Variants in TJP1 observed in about 807,000 individuals in gnomAD.
The protein encoded by TJP1 is tight junction protein 1, also known as tight junction protein ZO-1.
A neutral mutation model predicts 194.2 loss-of-function variants in TJP1; 43 were observed. The observed-to-expected ratio is 0.22, with a 90% CI of 0.17 to 0.29. The LOEUF (loss-of-function observed/expected upper bound fraction) is 0.29. TJP1 is among the 10% of genes least tolerant of loss of function. TJP1 has a pLI of 1.00. For synonymous variants in TJP1, 801 were observed against 779.0 expected (o/e 1.03, Z -0.47); for missense variants, 1,971 against 2,185.7 (o/e 0.90, Z 1.96).
intron 18 of TJP1, 137 bp from the exon 19 acceptor site, chr15:29,720,845 A>G: frequency 1.4e-6 from 1 of 692,318 alleles, no homozygotes. Flanking sequence ...TGGTAAGGAA[A>G]AGTCAAGAAG....
intron 2 of TJP1, among the ~76,000 whole-genome samples, chr15:29,913,439 T>C (rs1391191952): frequency 6.6e-6 from 1 of 152,202 alleles, no homozygotes; most frequent in Admixed American, 6.5e-5. Flanking sequence ...GGTTGCAATA[T>C]TGTGTATGTG....
chr15:29,738,037 T>C (rs2044152294), intron 10 of TJP1, among the ~76,000 whole-genome samples: 1 of 152,134 alleles, frequency 6.6e-6, no homozygotes, highest in African/African-American at 2.4e-5. Flanking sequence ...CCCATATCCA[T>C]TCTGTCCCTT....
At chr15:29,853,860 A>G (rs979682800) in intron 2 of TJP1, among the ~76,000 whole-genome samples, 1 of 152,186 alleles carries the variant, frequency 6.6e-6, no homozygotes, top group African/African-American at 2.4e-5. Flanking sequence ...CTTGCACAAC[A>G]CTATTCTGCA....
intron 8 of TJP1, among the ~76,000 whole-genome samples, chr15:29,744,592 G>A (rs562560579): frequency 4.6e-5 from 7 of 151,970 alleles, no homozygotes; most frequent in Admixed American, 6.6e-5. Flanking sequence ...AAAGTATCAC[G>A]TATATATGGT....
At chr15:29,788,742 A>C (rs1231533729) in intron 2 of TJP1, among the ~76,000 whole-genome samples, 1 of 152,272 alleles carries the variant, frequency 6.6e-6, no homozygotes, top group African/African-American at 2.4e-5. Context: ...ATTCTATTTT[A>C]GAAAATGAAA....
At chr15:29,833,483 T>C (rs1596067282) in intron 2 of TJP1, among the ~76,000 whole-genome samples, 2 of 151,998 alleles carry the variant, frequency 1.3e-5, no homozygotes, top group African/African-American at 4.8e-5. Context: ...AACCTCTGCC[T>C]CCCGGGTTCA....
At chr15:29,821,958 G>C in intron 1 of TJP1, 44 bp downstream of exon 1, 3 of 1,224,314 alleles carry the variant, frequency 2.5e-6, no homozygotes, top group Non-Finnish European at 3.1e-6. Flanking sequence ...GGCGGGCGGC[G>C]ACGGTCGGCC....
intron 1 of TJP1, among the ~76,000 whole-genome samples, chr15:29,821,251 G>T (rs191469501): frequency 2.1e-4 from 32 of 152,206 alleles, no homozygotes; most frequent in African/African-American, 7.5e-4. Flanking sequence ...GAGCACATAG[G>T]AAAAGTAACA....
At chr15:29,955,498 AT>A (rs1422107604) in intron 2 of TJP1, among the ~76,000 whole-genome samples, 1 of 152,144 alleles carries the variant, frequency 6.6e-6, no homozygotes, top group African/African-American at 2.4e-5. Flanking sequence ...CTTGAAAAAA[AT>A]ATGACCATTA....
chr15:29,700,434 C>T lies in TJP1; in HGVS notation c.*1161G>A. 1 of 398,870 alleles carries T rather than the reference C, an allele frequency of 2.5e-6. No homozygotes were observed. The highest frequency in any genetic ancestry group is 4.4e-6 in the Non-Finnish European group (1 of 226,028). The allele number at this position is 398,870 out of a possible 1,614,324, so 24.7% of individuals were successfully genotyped here. Reference sequence around the variant, plus strand: ...AATGCAGCACTTAAAAATGTAACAACTCTGTGCATCCTTTTTCTTAAAAAA... The same window carrying T: ...AATGCAGCACTTAAAAATGTAACAATTCTGTGCATCCTTTTTCTTAAAAAA... On this transcript the variant is annotated 3_prime_UTR_variant, in exon 28 of 28. Transcript: ENST00000614355.
At chr15:29,923,920 T>A (rs188928672) in intron 2 of TJP1, among the ~76,000 whole-genome samples, 1 of 152,340 alleles carries the variant, frequency 6.6e-6, no homozygotes, top group Admixed American at 6.5e-5. Flanking sequence ...CATGCCTATG[T>A]GTTATTCTAA....
intron 2 of TJP1, among the ~76,000 whole-genome samples, chr15:29,845,344 T>G (rs1369094656): frequency 6.6e-6 from 1 of 152,064 alleles, no homozygotes; most frequent in Non-Finnish European, 1.5e-5. Context: ...AAACTGACTA[T>G]TCATCCCAGG....
At chr15:29,732,951 A>C (rs2043764676) in intron 13 of TJP1, 136 bp from the exon 14 acceptor site, 2 of 1,245,238 alleles carry the variant, frequency 1.6e-6, no homozygotes, top group Admixed American at 5.5e-5. Flanking sequence ...AATAAAGAGG[A>C]GTTTGTAAAC....
chr15:29,860,595 G>GT, intron 2 of TJP1, among the ~76,000 whole-genome samples: 1 of 152,256 alleles, frequency 6.6e-6, no homozygotes, highest in South Asian at 2.1e-4. Context: ...GGTATCACAT[G>GT]TATTAATACT....
chr15:29,773,700 C>T (rs1216401923), intron 2 of TJP1, among the ~76,000 whole-genome samples: 2 of 152,230 alleles, frequency 1.3e-5, no homozygotes, highest in African/African-American at 4.8e-5. Flanking sequence ...ATCAGCCATC[C>T]TGGCAACTGA....
rs143354881 is a variant in TJP1, at chr15:29,777,027, A to ACC, written c.85-3672_85-3671dup. On this transcript the variant is annotated intron_variant, in intron 2 of 27. Transcript: ENST00000614355. ...CAAGTAAAAGTGATGCCTGCCTTCC[A>ACC]CCCCCCCCACTCAATACACGGCTGC... Among the ~76,000 whole-genome samples the ACC allele has an allele frequency of 3.3e-4, 50 of 150,878 alleles. 1 individual carries two copies. Among genetic ancestry groups the ACC allele is most frequent in the South Asian group, 1.3e-3 (6 of 4,736 alleles).
intron 15 of TJP1, 23 bp from the exon 16 acceptor site, chr15:29,728,042 A>T (rs2043351090): frequency 6.2e-7 from 1 of 1,603,950 alleles, no homozygotes; most frequent in Non-Finnish European, 8.5e-7. Flanking sequence ...TCAGGACAAA[A>T]ATAAGACATC....
At chr15:29,917,746 A>G (rs2054232111) in intron 2 of TJP1, among the ~76,000 whole-genome samples, 1 of 152,224 alleles carries the variant, frequency 6.6e-6, no homozygotes, top group African/African-American at 2.4e-5. Context: ...CTGCAGAGAC[A>G]GTTTCTCCCA....
Position 29,701,449 on chromosome 15 carries a change from C to A in TJP1, c.*146G>T, listed in dbSNP as rs932970935. 3.2e-6 allele frequency: 2 copies of A among 619,954 alleles called. No homozygotes were observed. Among genetic ancestry groups the A allele is most frequent in the South Asian group, 4.4e-5 (2 of 45,006 alleles). The allele number at this position is 619,954 out of a possible 1,614,324, so 38.4% of individuals were successfully genotyped here. A position where few individuals can be genotyped will look rare whatever the true frequency, so the allele number is the denominator to read the frequency against. On this transcript the variant is annotated 3_prime_UTR_variant, in exon 28 of 28. Coordinates refer to ENST00000614355, the MANE Select transcript of TJP1 (RefSeq NM_001330239.4). ...TCCGACCATGGTTCAGGGGCATGCT[C>A]ACTCATCTTTATCAGTTCAAACAAA...
Sources: allele counts gnomAD v4.1 joint callset (sites outside exome capture counted in the v4.1 genomes callset), GRCh38; gene constraint gnomAD v4.1.1; transcripts MANE v1.5; gene names NCBI Gene and HGNC (gene_info 2026-07-23, HGNC 2026-07-21).